Variants in FBXW11 observed in about 807,000 individuals in gnomAD.
FBXW11 encodes F-box/WD repeat-containing protein 11.
Under a neutral mutation model 77.6 loss-of-function variants are expected in FBXW11, and 19 were observed. That is an observed-to-expected ratio of 0.24 (90% CI 0.17 to 0.36). The LOEUF (loss-of-function observed/expected upper bound fraction) is 0.36, where lower values mean the gene tolerates loss of function less well. Ranked by LOEUF, FBXW11 falls within the 10% of genes least tolerant of loss-of-function variation. The pLI, the probability that FBXW11 is intolerant of heterozygous loss-of-function variation, is 1.00. For synonymous variants in FBXW11, 235 were observed against 249.4 expected, an observed-to-expected ratio of 0.94 and a Z score of 0.54; for missense variants, 334 against 704.2, an observed-to-expected ratio of 0.47 and a Z score of 5.95.
intron 2 of FBXW11, among the ~76,000 whole-genome samples, chr5:171,914,931 C>G (rs1267542369): frequency 6.6e-6 from 1 of 152,218 alleles, no homozygotes. Context: ...GTGCCCCAAC[C>G]TTCTCCCTGA....
At chr5:171,912,904 C>T (rs1581190314) in intron 3 of FBXW11, among the ~76,000 whole-genome samples, 2 of 146,312 alleles carry the variant, frequency 1.4e-5, no homozygotes, top group Admixed American at 1.4e-4. Context: ...AGCAAGACTG[C>T]GTCAAAAAAA....
intron 2 of FBXW11, among the ~76,000 whole-genome samples, chr5:171,929,080 A>G (rs1762032701): frequency 6.6e-6 from 1 of 150,820 alleles, no homozygotes; most frequent in Non-Finnish European, 1.5e-5. Flanking sequence ...TAAAAAAAAA[A>G]TAAAAAATAG....
intron 2 of FBXW11, among the ~76,000 whole-genome samples, chr5:171,939,407 T>C (rs192645723): frequency 7.6e-4 from 114 of 150,664 alleles, no homozygotes; most frequent in African/African-American, 2.0e-3. Flanking sequence ...TTAAGAACTA[T>C]AAAGAAATCC....
At chr5:171,930,762 T>TAAAAAAAAAAAAAAAAAAAAAAAAAAA (rs59700625) in intron 2 of FBXW11, among the ~76,000 whole-genome samples, 1 of 126,542 alleles carries the variant, frequency 7.9e-6, no homozygotes, top group Non-Finnish European at 1.7e-5. Context: ...AATAAAAAAA[T>TAAAAAAAAAAAAAAAAAAAAAAAAAAA]AAAAAAAAAA....
At chr5:171,872,383 T>C (rs939806925) in intron 10 of FBXW11, among the ~76,000 whole-genome samples, 6 of 152,238 alleles carry the variant, frequency 3.9e-5, no homozygotes, top group African/African-American at 7.2e-5. Flanking sequence ...TGAAGGGATG[T>C]TCTTAGTAAG....
At chr5:171,889,719 T>C (rs913507118) in intron 7 of FBXW11, among the ~76,000 whole-genome samples, 1 of 150,160 alleles carries the variant, frequency 6.7e-6, no homozygotes, top group Admixed American at 6.7e-5. Flanking sequence ...AAACCCTGTC[T>C]CTAATAAAAA....
chr5:171,872,806 C>T (rs143543199), intron 10 of FBXW11, 66 bp downstream of exon 10: 3 of 1,124,678 alleles, frequency 2.7e-6, no homozygotes, highest in Non-Finnish European at 4.0e-6. Flanking sequence ...AGCATTAGAA[C>T]TAGGAGATGA....
chr5:171,919,832 T>G (rs887718938), intron 2 of FBXW11, among the ~76,000 whole-genome samples: 1 of 152,126 alleles, frequency 6.6e-6, no homozygotes, highest in African/African-American at 2.4e-5. Context: ...GATCCTAATC[T>G]TGTTTCAAAG....
chr5:171,889,787 C>G (rs1212318165), intron 7 of FBXW11, among the ~76,000 whole-genome samples: 1 of 152,014 alleles, frequency 6.6e-6, no homozygotes, highest in East Asian at 1.9e-4. Flanking sequence ...ACTCGGGAGG[C>G]TGAGGCAGGA....
In FBXW11 at chr5:171,964,383, G is replaced by A. The variant is rs1057263523; in HGVS notation, c.46-6685C>T. Among the ~76,000 whole-genome samples the A allele has an allele frequency of 2.0e-5, 3 of 152,242 alleles. No individual in the cohort carries two copies. The East Asian group carries it at 5.8e-4, about 29-fold the overall frequency. ...CTGGGAATCTCTAGCCATGAGTGAG[G>A]ACTGGGTCTTGATGAATCAGACAAT... On this transcript the variant is annotated intron_variant, in intron 1 of 13. Coordinates refer to ENST00000517395, the MANE Select transcript of FBXW11 (RefSeq NM_001378974.1).
intron 1 of FBXW11, among the ~76,000 whole-genome samples, chr5:172,004,681 G>T (rs375009183): frequency 6.6e-6 from 1 of 152,154 alleles, no homozygotes; most frequent in South Asian, 2.1e-4. Flanking sequence ...TACTTCTGTT[G>T]TAAGTACATG....
intron 10 of FBXW11, among the ~76,000 whole-genome samples, chr5:171,871,346 C>T (rs964451272): frequency 6.7e-6 from 1 of 148,364 alleles, no homozygotes; most frequent in Non-Finnish European, 1.5e-5. Flanking sequence ...TAAGCTTCCG[C>T]CCCAGGCACT....
At chr5:171,941,361 G>C (rs182056585) in intron 2 of FBXW11, among the ~76,000 whole-genome samples, 1 of 152,004 alleles carries the variant, frequency 6.6e-6, no homozygotes, top group South Asian at 2.1e-4. Flanking sequence ...TGTCAAGGTC[G>C]TGGAAGTCCC....
At chr5:171,972,573 C>T (rs2113431975) in intron 1 of FBXW11, among the ~76,000 whole-genome samples, 1 of 148,622 alleles carries the variant, frequency 6.7e-6, no homozygotes, top group East Asian at 2.0e-4. Flanking sequence ...GAGACAGAGC[C>T]TCACTCTGTC....
At position 171,899,862 on chromosome 5, in the gene FBXW11, G is replaced by C. The variant is rs187973929; in HGVS notation, c.623+52C>G. On this transcript the variant is annotated intron_variant, in intron 5 of 13. Coordinates refer to ENST00000517395, the MANE Select transcript of FBXW11 (RefSeq NM_001378974.1). ...AATTGCATTTTTGAGTAATCAAGCTGACTCTATGTCAATAAAATTTTTTCA... is the reference window on the plus strand; with the variant it reads ...AATTGCATTTTTGAGTAATCAAGCTCACTCTATGTCAATAAAATTTTTTCA... The C allele has an allele frequency of 1.8e-5, 26 of 1,426,102 alleles. No individual in the cohort carries two copies. In the East Asian group the frequency reaches 6.3e-4, roughly 35 times the overall value. 88.3% of individuals were successfully genotyped at this position (1,426,102 alleles called of 1,614,324 possible). A position where few individuals can be genotyped will look rare whatever the true frequency, so the allele number is the denominator to read the frequency against.
rs147467446 is a variant in FBXW11 at position 171,875,346 on chromosome 5, C to T, written c.1221+939G>A. 3.5e-4 allele frequency among the ~76,000 whole-genome samples: 53 copies of T among 152,100 alleles called. No homozygotes were observed. The East Asian group carries it at 7.7e-3, about 22-fold the overall frequency. On this transcript the variant is annotated intron_variant, in intron 9 of 13. Coordinates refer to ENST00000517395, the MANE Select transcript of FBXW11 (RefSeq NM_001378974.1). ...AAAACATTATGCTAAGTGAAAGCAGCGAGAAATAAAAGGCCACATAAGGTA... is the reference window on the plus strand; with the variant it reads ...AAAACATTATGCTAAGTGAAAGCAGTGAGAAATAAAAGGCCACATAAGGTA...
intron 1 of FBXW11, among the ~76,000 whole-genome samples, chr5:172,004,723 A>T (rs1766624169): frequency 6.6e-6 from 1 of 152,204 alleles, no homozygotes; most frequent in East Asian, 1.9e-4. Context: ...AATATGTAAT[A>T]TACTTAGTCG....
At chr5:171,921,985 T>C (rs1761625540) in intron 2 of FBXW11, among the ~76,000 whole-genome samples, 1 of 151,562 alleles carries the variant, frequency 6.6e-6, no homozygotes, top group Non-Finnish European at 1.5e-5. Context: ...GTGATCCTCC[T>C]GTCTCAGCTT....
chr5:171,901,708 C>T (rs1167485668), intron 4 of FBXW11, among the ~76,000 whole-genome samples: 1 of 152,190 alleles, frequency 6.6e-6, no homozygotes, highest in Non-Finnish European at 1.5e-5. Flanking sequence ...GCCTCTCCCC[C>T]AAAAACATCT....
Sources: allele counts gnomAD v4.1 joint callset (sites outside exome capture counted in the v4.1 genomes callset), GRCh38; gene constraint gnomAD v4.1.1; transcripts MANE v1.5; gene names NCBI Gene and HGNC (gene_info 2026-07-23, HGNC 2026-07-21).